The following BACH2 variants were observed in gnomAD, a reference collection of about 807,000 sequenced individuals.
The protein encoded by BACH2 is BACH transcriptional regulator 2, also known as transcription regulator protein BACH2.
BACH2 carries 5 observed loss-of-function variants against 61.8 expected under a neutral mutation model. The observed-to-expected ratio is 0.08, with a 90% CI of 0.04 to 0.17. The LOEUF is 0.17. Among genes scored for constraint, BACH2 ranks in the 10% least tolerant of loss-of-function variants. BACH2 has a pLI of 1.00. For missense variants in BACH2, 824 were observed against 1,091.1 expected, an observed-to-expected ratio of 0.76 and a Z score of 3.45; for synonymous variants, 446 against 440.1, an observed-to-expected ratio of 1.01 and a Z score of -0.17.
chr6:90,158,590 C>T (rs544517249), intron 4 of BACH2, among the ~76,000 whole-genome samples: 5 of 151,512 alleles, frequency 3.3e-5, no homozygotes, highest in African/African-American at 4.9e-5. Flanking sequence ...GATCAGGGGC[C>T]TGGGCAGGGG....
chr6:90,287,675 TGTG>T (rs1203749093), intron 1 of BACH2, among the ~76,000 whole-genome samples: 5 of 152,230 alleles, frequency 3.3e-5, no homozygotes, highest in Non-Finnish European at 5.9e-5. Context: ...TGCCTAGGGT[TGTG>T]TTTATTTATC....
At chr6:89,952,140 A>G (rs1420569055) in intron 6 of BACH2, 1 of 451,476 alleles carries the variant, frequency 2.2e-6, no homozygotes, top group Non-Finnish European at 4.0e-6. Flanking sequence ...CAGTGTTTAC[A>G]CTAATGAAAT....
chr6:90,205,109 A>G (rs1307366103), intron 4 of BACH2, among the ~76,000 whole-genome samples: 2 of 152,198 alleles, frequency 1.3e-5, no homozygotes, highest in Admixed American at 1.3e-4. Flanking sequence ...CTTCGTGCCC[A>G]TGAGAAGGCT....
intron 3 of BACH2, among the ~76,000 whole-genome samples, chr6:90,238,032 G>A (rs1166737285): frequency 1.3e-5 from 2 of 152,116 alleles, no homozygotes; most frequent in Non-Finnish European, 1.5e-5. Context: ...GATTAATCTC[G>A]TTTTAGAAAT....
At chr6:90,276,339 A>C (rs1466368698) in intron 1 of BACH2, among the ~76,000 whole-genome samples, 1 of 152,236 alleles carries the variant, frequency 6.6e-6, no homozygotes, top group African/African-American at 2.4e-5. Flanking sequence ...GAGAGCACAG[A>C]AAATGTGAAG....
At chr6:90,172,889 AT>A (rs1767864703) in intron 4 of BACH2, among the ~76,000 whole-genome samples, 1 of 152,134 alleles carries the variant, frequency 6.6e-6, no homozygotes, top group African/African-American at 2.4e-5. Context: ...AATATAAAAA[AT>A]AATATAAAAC....
intron 4 of BACH2, among the ~76,000 whole-genome samples, chr6:90,141,446 G>A (rs1784455939): frequency 6.6e-6 from 1 of 150,840 alleles, no homozygotes; most frequent in South Asian, 2.1e-4. Flanking sequence ...ATCCCAAAGT[G>A]CTGGGATTAC....
At position 90,296,784 on chromosome 6, in the gene BACH2, CGCTGCTGCCGCTGCTGCT is replaced by C. The variant is rs1478728326; in HGVS notation, c.-768_-751del. 1.2e-5 allele frequency: 2 copies of C among 172,314 alleles called. No individual in the cohort carries two copies. Among genetic ancestry groups the C allele is most frequent in the Non-Finnish European group, 2.4e-5 (2 of 84,654 alleles). The allele number at this position is 172,314 out of a possible 1,614,324, so 10.7% of individuals were successfully genotyped here. Reference sequence around the variant, plus strand: ...CGACCGCAGCCCGGGCGTGCACGGCCGCTGCTGCCGCTGCTGCTGCTGCTGCTGCTGCTGAGGCGGCGG... The same window carrying C: ...CGACCGCAGCCCGGGCGTGCACGGCCGCTGCTGCTGCTGCTGAGGCGGCGG... On this transcript the variant is annotated 5_prime_UTR_variant, in exon 1 of 9. Transcript: ENST00000257749.
chr6:89,943,688 G>C (rs1270391559), intron 7 of BACH2, among the ~76,000 whole-genome samples: 1 of 152,166 alleles, frequency 6.6e-6, no homozygotes, highest in African/African-American at 2.4e-5. Flanking sequence ...GGAAAAGCAG[G>C]AAAGTAGCTG....
intron 4 of BACH2, among the ~76,000 whole-genome samples, chr6:90,103,639 G>C (rs1782774038): frequency 6.6e-6 from 1 of 152,126 alleles, no homozygotes; most frequent in Admixed American, 6.6e-5. Context: ...TCTGGGTGAT[G>C]CTTTTTTGTT....
chr6:90,167,963 T>G (rs1767687434), intron 4 of BACH2, among the ~76,000 whole-genome samples: 1 of 152,230 alleles, frequency 6.6e-6, no homozygotes, highest in Admixed American at 6.5e-5. Context: ...AAAGTACATA[T>G]TCTTTGACCT....
At chr6:89,955,485 C>T (rs1329386320) in intron 6 of BACH2, among the ~76,000 whole-genome samples, 1 of 152,168 alleles carries the variant, frequency 6.6e-6, no homozygotes, top group African/African-American at 2.4e-5. Context: ...TATCAGCACG[C>T]CTTGAGTGTC....
At chr6:90,256,577 G>T (rs1770985923) in intron 2 of BACH2, among the ~76,000 whole-genome samples, 1 of 152,154 alleles carries the variant, frequency 6.6e-6, no homozygotes, top group Non-Finnish European at 1.5e-5. Flanking sequence ...GAAGAAACTT[G>T]TGTTAGAACA....
chr6:90,008,937 A>G lies in BACH2; in HGVS notation c.-12-81T>C. On this transcript the variant is annotated intron_variant, in intron 5 of 8. Coordinates refer to ENST00000257749, the MANE Select transcript of BACH2 (RefSeq NM_021813.4). The surrounding 1 kb of genome is among the most constrained non-coding windows in gnomAD (Gnocchi z 4.1). ...TGTAGGATCAGAGAGAGGAGGTGAG[A>G]AAGAACATCATGGTTCCTGTGTCCC... 1.3e-6 allele frequency: 2 copies of G among 1,504,614 alleles called. No individual in the cohort carries two copies. The highest frequency in any genetic ancestry group is 2.3e-5 in the East Asian group (1 of 43,096). The allele number at this position is 1,504,614 out of a possible 1,614,324, so 93.2% of individuals were successfully genotyped here. A position where few individuals can be genotyped will look rare whatever the true frequency, so the allele number is the denominator to read the frequency against.
chr6:90,296,311 A>C (rs1582579052), intron 1 of BACH2, among the ~76,000 whole-genome samples, 169 bp downstream of exon 1: 2 of 151,268 alleles, frequency 1.3e-5, no homozygotes, highest in Admixed American at 6.6e-5. Context: ...AAAATGCCAT[A>C]AAAGCGGGCA....
At position 90,103,006 on chromosome 6, in the gene BACH2, C is replaced by CATAT. The variant is rs1250122835; in HGVS notation, c.-161-13901_-161-13898dup. On this transcript the variant is annotated intron_variant, in intron 4 of 8. Transcript: ENST00000257749. Reference sequence around the variant, plus strand: ...AAAAACTGCTAAATTTGACACAATACATATATATATATATATATATATATT... The same window carrying CATAT: ...AAAAACTGCTAAATTTGACACAATACATATATATATATATATATATATATATATT... Among the ~76,000 whole-genome samples the CATAT allele has an allele frequency of 3.6e-3, 160 of 44,918 alleles. 9 individuals carry two copies. The Middle Eastern group carries it at 0.065, about 18-fold the overall frequency. The allele number at this position is 44,918 out of a possible 152,430, so 29.5% of individuals were successfully genotyped here. A position where few individuals can be genotyped will look rare whatever the true frequency, so the allele number is the denominator to read the frequency against.
chr6:90,030,667 C>T (rs1221289829), intron 5 of BACH2, among the ~76,000 whole-genome samples: 2 of 152,054 alleles, frequency 1.3e-5, no homozygotes, highest in African/African-American at 4.8e-5. Flanking sequence ...CAAGTTGAAT[C>T]TCTGAATAGA....
rs1554263885 is a variant in BACH2, at chr6:90,296,805, T to TGCCGCTGCTGCTGCC, written c.-772_-771insGGCAGCAGCAGCGGC. On this transcript the variant is annotated 5_prime_UTR_variant, in exon 1 of 9. Coordinates refer to ENST00000257749, the MANE Select transcript of BACH2 (RefSeq NM_021813.4). The stretch of plus-strand genomic sequence containing the variant: ...CGGCCGCTGCTGCCGCTGCTGCTGC[T>TGCCGCTGCTGCTGCC]GCTGCTGCTGCTGAGGCGGCGGCGG... 3 of 176,748 alleles carry TGCCGCTGCTGCTGCC rather than the reference T, an allele frequency of 1.7e-5. No homozygotes were observed. The highest frequency in any genetic ancestry group is 2.5e-3 in the Middle Eastern group (1 of 400). The allele number at this position is 176,748 out of a possible 1,614,324, so 10.9% of individuals were successfully genotyped here.
At chr6:90,168,234 G>C (rs1487801671) in intron 4 of BACH2, among the ~76,000 whole-genome samples, 1 of 152,042 alleles carries the variant, frequency 6.6e-6, no homozygotes, top group African/African-American at 2.4e-5. Flanking sequence ...GGTGCCTATA[G>C]TCCCAGCTAC....
Sources: gnomAD v4.1 joint callset for allele counts (sites outside exome capture counted in the v4.1 genomes callset) on GRCh38, gnomAD v4.1.1 for gene constraint, Gnocchi (gnomAD v3.1) non-coding constraint, MANE v1.5 for transcripts, NCBI Gene and HGNC (gene_info 2026-07-23, HGNC 2026-07-21) for gene names.